DPYD: variants seen among roughly 807,000 people sequenced by gnomAD.
The protein encoded by DPYD is dihydropyrimidine dehydrogenase [NADP(+)].
Under a neutral mutation model 116.2 loss-of-function variants are expected in DPYD, and 109 were observed. That is an observed-to-expected ratio of 0.94 (90% CI 0.80 to 1.10). The LOEUF (loss-of-function observed/expected upper bound fraction) is 1.10, where lower values mean the gene tolerates loss of function less well. DPYD is among the 50% of genes least tolerant of loss of function. The pLI, the probability that DPYD is intolerant of heterozygous loss-of-function variation, is 0.00. For synonymous variants in DPYD, 440 were observed against 432.0 expected, an observed-to-expected ratio of 1.02 and a Z score of -0.23; for missense variants, 1,302 against 1,254.5, an observed-to-expected ratio of 1.04 and a Z score of -0.57.
intron 13 of DPYD, among the ~76,000 whole-genome samples, chr1:97,495,919 G>T (rs918636735): frequency 6.6e-6 from 1 of 151,996 alleles, no homozygotes; most frequent in Admixed American, 6.6e-5. Context: ...AATAACTGCA[G>T]GTCCTTTATT....
intron 16 of DPYD, among the ~76,000 whole-genome samples, chr1:97,310,755 T>C (rs763729319): frequency 2.6e-5 from 4 of 151,778 alleles, no homozygotes; most frequent in Non-Finnish European, 4.4e-5. Context: ...TAATTATATA[T>C]ACAAGTGAGA....
intron 20 of DPYD, among the ~76,000 whole-genome samples, chr1:97,102,459 TTATCTATC>T (rs1236741247): frequency 1.8e-4 from 22 of 125,100 alleles, no homozygotes; most frequent in East Asian, 9.5e-4. Flanking sequence ...CTGAAATCTA[TTATCTATC>T]TATCTATCTA....
At chr1:97,672,850 T>TA (rs1409807681) in intron 8 of DPYD, among the ~76,000 whole-genome samples, 7 of 152,216 alleles carry the variant, frequency 4.6e-5, no homozygotes, top group Non-Finnish European at 1.0e-4. Flanking sequence ...ATGGATTTTT[T>TA]AAATTATAAT....
intron 13 of DPYD, among the ~76,000 whole-genome samples, chr1:97,487,720 T>G (rs1476389587): frequency 6.6e-6 from 1 of 152,022 alleles, no homozygotes. Flanking sequence ...TATCATAACA[T>G]GCATAAGAGA....
In DPYD at chr1:97,522,597, T is replaced by C. The variant is rs577758834; in HGVS notation, c.1525-6656A>G. The stretch of plus-strand genomic sequence containing the variant: ...AGCTGGGCATAGTGGCGGGCACCTG[T>C]AGTCCCAGCTACTTGGGAGGCTGAG... On this transcript the variant is annotated intron_variant, in intron 12 of 22. Transcript: ENST00000370192. Among the ~76,000 whole-genome samples, 42 of 151,968 alleles carry C rather than the reference T, an allele frequency of 2.8e-4. 2 individuals carry two copies. The highest frequency in any genetic ancestry group is 9.9e-4 in the African/African-American group (41 of 41,446).
chr1:97,611,629 T>G (rs1489334968), intron 8 of DPYD, among the ~76,000 whole-genome samples: 1 of 152,024 alleles, frequency 6.6e-6, no homozygotes, highest in Non-Finnish European at 1.5e-5. Context: ...ACAGCAGTTT[T>G]CAAACATTCA....
intron 1 of DPYD, among the ~76,000 whole-genome samples, chr1:97,902,150 T>A (rs745768863): frequency 2.6e-5 from 4 of 151,640 alleles, no homozygotes; most frequent in Admixed American, 1.3e-4. Flanking sequence ...TTGAATTGTA[T>A]CTCCTTAGAG....
At chr1:97,374,850 G>A (rs947742758) in intron 15 of DPYD, among the ~76,000 whole-genome samples, 10 of 150,144 alleles carry the variant, frequency 6.7e-5, no homozygotes, top group African/African-American at 2.5e-4. Flanking sequence ...GCAACACAGT[G>A]AAACCCCATC....
At chr1:97,810,299 A>AG (rs1385398388) in intron 3 of DPYD, among the ~76,000 whole-genome samples, 5 of 151,036 alleles carry the variant, frequency 3.3e-5, no homozygotes, top group Non-Finnish European at 7.4e-5. Flanking sequence ...AAAAAAAAAA[A>AG]AAAAAAAGAA....
intron 21 of DPYD, among the ~76,000 whole-genome samples, chr1:97,086,850 G>T (rs1649557530): frequency 6.6e-6 from 1 of 152,180 alleles, no homozygotes; most frequent in African/African-American, 2.4e-5. Flanking sequence ...CCAGGACCCA[G>T]AACAGCATGC....
At chr1:97,251,486 T>C (rs931613228) in intron 18 of DPYD, among the ~76,000 whole-genome samples, 1 of 151,520 alleles carries the variant, frequency 6.6e-6, no homozygotes, top group Non-Finnish European at 1.5e-5. Flanking sequence ...GATCATCATC[T>C]ACAGTACATC....
chr1:97,577,415 C>T (rs907009670), intron 10 of DPYD, among the ~76,000 whole-genome samples: 1 of 152,190 alleles, frequency 6.6e-6, no homozygotes, highest in African/African-American at 2.4e-5. Flanking sequence ...GCTTGACGTC[C>T]TGGAACTTGT....
At chr1:97,195,529 A>G (rs1364487132) in intron 19 of DPYD, among the ~76,000 whole-genome samples, 2 of 36,130 alleles carry the variant, frequency 5.5e-5, no homozygotes, top group African/African-American at 1.6e-4. Flanking sequence ...GGAGAGAGAG[A>G]GAGAGAGAGA....
At chr1:97,594,970 C>T (rs1654776617) in intron 9 of DPYD, 89 bp downstream of exon 9, 1 of 946,402 alleles carries the variant, frequency 1.1e-6, no homozygotes, top group Non-Finnish European at 1.6e-6. Context: ...GAGAGCTGAA[C>T]AATGTGCTGC....
At chr1:97,218,934 T>C (rs566429914) in intron 19 of DPYD, among the ~76,000 whole-genome samples, 1 of 152,054 alleles carries the variant, frequency 6.6e-6, no homozygotes, top group Non-Finnish European at 1.5e-5. Context: ...CAAAGAGAAA[T>C]TGCCTTTTGA....
At chr1:97,756,333 T>C (rs979405602) in intron 3 of DPYD, among the ~76,000 whole-genome samples, 1 of 152,134 alleles carries the variant, frequency 6.6e-6, no homozygotes, top group Admixed American at 6.5e-5. Flanking sequence ...AATCATTATC[T>C]TATAGCGCAG....
chr1:97,120,276 C>A (rs1652323159), intron 20 of DPYD, among the ~76,000 whole-genome samples: 1 of 152,116 alleles, frequency 6.6e-6, no homozygotes, highest in South Asian at 2.1e-4. Flanking sequence ...AATGAGGTTT[C>A]ATCTTAATCT....
chr1:97,691,743 C>G lies in DPYD; in HGVS notation c.736G>C (p.Glu246Gln). 6.2e-7 allele frequency: 1 copy of G among 1,613,524 alleles called. No individual in the cohort carries two copies. The highest frequency in any genetic ancestry group is 1.1e-5 in the South Asian group (1 of 91,040). The change falls in exon 7 of 23, where the codon GAG becomes CAG. Residue 246 changes from glutamate to glutamine, a missense_variant. Glu to Gln is a conservative substitution (Grantham distance 29). Transcript: ENST00000370192. ...LPYDVVNFEI[E>Q]LMKDLGVKII... The stretch of plus-strand genomic sequence containing the variant: ...TTTACACCAAGGTCCTTCATTAGCT[C>G]AATCTCAAAATTCACTACATCATAC...
chr1:97,245,022 A>C (rs1374556309), intron 18 of DPYD, among the ~76,000 whole-genome samples: 1 of 152,086 alleles, frequency 6.6e-6, no homozygotes, highest in Non-Finnish European at 1.5e-5. Flanking sequence ...ATGAAAAAAT[A>C]AAATTAGAAT....
Sources: allele counts gnomAD v4.1 joint callset (sites outside exome capture counted in the v4.1 genomes callset), GRCh38; gene constraint gnomAD v4.1.1; transcripts MANE v1.5; gene names NCBI Gene and HGNC (gene_info 2026-07-23, HGNC 2026-07-21).